Variants in GABRG3 observed in about 807,000 individuals in gnomAD.
GABRG3 encodes the protein gamma-aminobutyric acid type A receptor subunit gamma3.
GABRG3 carries 25 observed loss-of-function variants against 48.8 expected under a neutral mutation model. The observed-to-expected ratio is 0.51, with a 90% confidence interval of 0.37 to 0.72. The LOEUF is 0.72. Among genes scored for constraint, GABRG3 ranks in the 30% least tolerant of loss-of-function variants. GABRG3 has a pLI of 0.00. For synonymous variants in GABRG3, 227 were observed against 217.6 expected (o/e 1.04, Z -0.38); for missense variants, 394 against 577.9 (o/e 0.68, Z 3.26).
chr15:27,209,436 C>A (rs1288019752), intron 3 of GABRG3, among the ~76,000 whole-genome samples: 3 of 151,342 alleles, frequency 2.0e-5, no homozygotes, highest in Admixed American at 2.0e-4. Flanking sequence ...GTTGCCCAGG[C>A]TGGAGTGCAG....
chr15:27,478,766 G>C (rs1372199546), intron 5 of GABRG3, among the ~76,000 whole-genome samples: 1 of 152,138 alleles, frequency 6.6e-6, no homozygotes, highest in Non-Finnish European at 1.5e-5. Context: ...CTGATGAATG[G>C]ATAAACAAAA....
At chr15:27,451,965 G>A (rs1430685571) in intron 5 of GABRG3, among the ~76,000 whole-genome samples, 1 of 152,216 alleles carries the variant, frequency 6.6e-6, no homozygotes, top group Non-Finnish European at 1.5e-5. Context: ...ATAATATTTG[G>A]TGATCTGCTG....
At chr15:27,288,256 G>T (rs1035862573) in intron 3 of GABRG3, among the ~76,000 whole-genome samples, 1 of 151,984 alleles carries the variant, frequency 6.6e-6, no homozygotes, top group Admixed American at 6.6e-5. Flanking sequence ...AGACCAGGGG[G>T]CAAGGGATGG....
chr15:27,425,484 G>C (rs556005937), intron 5 of GABRG3, among the ~76,000 whole-genome samples: 1 of 151,122 alleles, frequency 6.6e-6, no homozygotes, highest in African/African-American at 2.4e-5. Flanking sequence ...GGTGGTGGGC[G>C]CCTGTAGTCC....
At chr15:27,388,871 G>GAGAGAGACAGAGAGAC (rs201860052) in intron 5 of GABRG3, among the ~76,000 whole-genome samples, 3 of 152,184 alleles carry the variant, frequency 2.0e-5, no homozygotes, top group Admixed American at 6.5e-5. Context: ...GAGAGGAAGA[G>GAGAGAGACAGAGAGAC]AGAGAGACAG....
At chr15:27,266,659 A>G (rs1172909272) in intron 3 of GABRG3, among the ~76,000 whole-genome samples, 1 of 152,206 alleles carries the variant, frequency 6.6e-6, no homozygotes, top group Non-Finnish European at 1.5e-5. Context: ...CTGACATACA[A>G]ACACAGTCTA....
chr15:27,193,384 TC>T (rs1225793919), intron 3 of GABRG3, among the ~76,000 whole-genome samples: 1 of 152,010 alleles, frequency 6.6e-6, no homozygotes, highest in Admixed American at 6.5e-5. Context: ...AGTTCTAGCT[TC>T]CCGGCTGCTT....
At chr15:27,380,293 A>G (rs772753075) in intron 5 of GABRG3, among the ~76,000 whole-genome samples, 4 of 151,932 alleles carry the variant, frequency 2.6e-5, no homozygotes, top group Admixed American at 6.6e-5. Context: ...CATGTTGTCC[A>G]CTTTTTCCAT....
intron 5 of GABRG3, among the ~76,000 whole-genome samples, chr15:27,379,983 C>G (rs1895716318): frequency 7.7e-6 from 1 of 129,742 alleles, no homozygotes; most frequent in South Asian, 2.5e-4. Context: ...CTGTGTTTTC[C>G]TATCTTTTTT....
chr15:27,149,631 G>A (rs1243404711), intron 3 of GABRG3, among the ~76,000 whole-genome samples: 2 of 152,260 alleles, frequency 1.3e-5, no homozygotes, highest in African/African-American at 4.8e-5. Context: ...CTAGTATAAC[G>A]ATAGGCATAT....
intron 3 of GABRG3, among the ~76,000 whole-genome samples, chr15:27,079,960 G>A (rs1283704279): frequency 2.6e-5 from 4 of 152,170 alleles, no homozygotes; most frequent in Non-Finnish European, 5.9e-5. Flanking sequence ...AGTATGCAGA[G>A]GTGGAGCTTT....
intron 9 of GABRG3, 22 bp from the exon 10 acceptor site, chr15:27,532,578 G>A (rs755261635): frequency 6.2e-7 from 1 of 1,609,440 alleles, no homozygotes; most frequent in South Asian, 1.1e-5. Context: ...AATGGTTGTT[G>A]TGTCATTTTT....
chr15:27,319,321 T>A lies in GABRG3; in HGVS notation c.271-7488T>A, dbSNP rs1207675093. 6.6e-6 allele frequency among the ~76,000 whole-genome samples: 1 copy of A among 152,152 alleles called. No individual in the cohort carries two copies. Among genetic ancestry groups the A allele is most frequent in the African/African-American group, 2.4e-5 (1 of 41,440 alleles). On this transcript the variant is annotated intron_variant, in intron 3 of 9. Transcript: ENST00000615808. This position sits in a 1 kb window ranked among gnomAD's most constrained non-coding sequence, Gnocchi z 4.4. ...CTCTTCTTAGTTCCTATCTGTAGAA[T>A]GGGGATATTCATATTGTTGTGAACA...
intron 3 of GABRG3, among the ~76,000 whole-genome samples, chr15:27,055,313 G>A (rs957768998): frequency 4.6e-5 from 7 of 152,166 alleles, no homozygotes; most frequent in Non-Finnish European, 8.8e-5. Context: ...AAAATAACCT[G>A]AACTTGTTAC....
chr15:27,029,983 A>C (rs1896055392), intron 3 of GABRG3, among the ~76,000 whole-genome samples: 1 of 152,236 alleles, frequency 6.6e-6, no homozygotes, highest in Admixed American at 6.5e-5. Context: ...AAAAGAAGTA[A>C]AGGGCTTAAA....
chr15:27,355,113 G>A (rs112708474), intron 5 of GABRG3, among the ~76,000 whole-genome samples: 244 of 152,270 alleles, frequency 1.6e-3, no homozygotes, highest in African/African-American at 5.5e-3. Context: ...GCTGCCTTCC[G>A]ATGAGCCACA....
chr15:27,309,879 G>C (rs1407328841), intron 3 of GABRG3, among the ~76,000 whole-genome samples: 1 of 152,014 alleles, frequency 6.6e-6, no homozygotes, highest in Non-Finnish European at 1.5e-5. Flanking sequence ...ATTTACAGCA[G>C]CTTTACTAAT....
intron 7 of GABRG3, among the ~76,000 whole-genome samples, chr15:27,527,000 A>T (rs1035943686): frequency 1.3e-5 from 2 of 152,168 alleles, no homozygotes; most frequent in African/African-American, 4.8e-5. Flanking sequence ...CGTGGAAGGC[A>T]AGAGTGGTGC....
At chr15:27,255,944 T>G (rs1037205608) in intron 3 of GABRG3, among the ~76,000 whole-genome samples, 1 of 152,204 alleles carries the variant, frequency 6.6e-6, no homozygotes, top group Non-Finnish European at 1.5e-5. Context: ...AATGACCCTC[T>G]CTCTCCACCA....
Sources: gnomAD v4.1 joint callset for allele counts (sites outside exome capture counted in the v4.1 genomes callset) on GRCh38, gnomAD v4.1.1 for gene constraint, Gnocchi (gnomAD v3.1) non-coding constraint, MANE v1.5 for transcripts, NCBI Gene and HGNC (gene_info 2026-07-23, HGNC 2026-07-21) for gene names.